PRDM2: variants seen among roughly 807,000 people sequenced by gnomAD.
PRDM2 encodes the protein PR/SET domain 2, also known as PR domain zinc finger protein 2.
PRDM2 carries 30 observed loss-of-function variants against 130.0 expected under a neutral mutation model. That is an observed-to-expected ratio of 0.23 (90% CI 0.17 to 0.31). The LOEUF (loss-of-function observed/expected upper bound fraction) is 0.31, where lower values mean the gene tolerates loss of function less well. Among genes scored for constraint, PRDM2 ranks in the 10% least tolerant of loss-of-function variants. The pLI is 1.00. For synonymous variants in PRDM2, 871 were observed against 782.4 expected, an observed-to-expected ratio of 1.11 and a Z score of -1.89; for missense variants, 2,011 against 2,108.4, an observed-to-expected ratio of 0.95 and a Z score of 0.90.
chr1:13,786,635 C>T, intron 8 of PRDM2: 1 of 1,565,704 alleles, frequency 6.4e-7, no homozygotes, highest in Non-Finnish European at 8.6e-7. Context: ...CTTGCAAGAC[C>T]AGTTGAAGCT....
chr1:13,799,570 C>G lies in PRDM2; in HGVS notation c.5036+16739C>G, dbSNP rs182400682. Among the ~76,000 whole-genome samples the G allele has an allele frequency of 2.1e-3, 326 of 152,216 alleles. 2 individuals are homozygous for G. The highest frequency in any genetic ancestry group is 7.5e-3 in the African/African-American group (310 of 41,534). On this transcript the variant is annotated intron_variant, in intron 8 of 9. Transcript: ENST00000311066. Reference sequence around the variant, plus strand: ...TGTGGATAAAACATACAGTTGAAACCCAGCTGACTTTAGTTTGAGCGACCC... The same window carrying G: ...TGTGGATAAAACATACAGTTGAAACGCAGCTGACTTTAGTTTGAGCGACCC...
At chr1:13,801,314 C>T (rs892590847) in intron 8 of PRDM2, among the ~76,000 whole-genome samples, 5 of 152,228 alleles carry the variant, frequency 3.3e-5, no homozygotes, top group Admixed American at 3.3e-4. Flanking sequence ...TTGCTTGGCT[C>T]AGCACTGTAA....
intron 8 of PRDM2, chr1:13,788,038 T>C (rs1644776693): frequency 2.0e-6 from 2 of 980,182 alleles, no homozygotes; most frequent in Admixed American, 6.2e-5. Flanking sequence ...ATTTAAACAA[T>C]GCATTTTATA....
chr1:13,768,074 G>GTTT lies in PRDM2; in HGVS notation c.512-4985_512-4983dup, dbSNP rs774757778. 1.3e-3 allele frequency among the ~76,000 whole-genome samples: 156 copies of GTTT among 117,738 alleles called. 3 individuals carry two copies. Among genetic ancestry groups the GTTT allele is most frequent in the East Asian group, 2.4e-3 (9 of 3,806 alleles). 77.2% of individuals were successfully genotyped at this position (117,738 alleles called of 152,430 possible). A position where few individuals can be genotyped will look rare whatever the true frequency, so the allele number is the denominator to read the frequency against. On this transcript the variant is annotated intron_variant, in intron 6 of 9. Coordinates refer to ENST00000311066, the MANE Select transcript of PRDM2 (RefSeq NM_001393986.1). ...AACATTTTTAACATTTTGTCCTTGA[G>GTTT]TTTTTTTTTTTTTTTTTTTTTGAGA...
At chr1:13,725,818 C>T (rs1642895588) in intron 2 of PRDM2, among the ~76,000 whole-genome samples, 1 of 152,216 alleles carries the variant, frequency 6.6e-6, no homozygotes, top group Admixed American at 6.5e-5. Context: ...AAAGGGAATT[C>T]TCAGGTGTCC....
intron 8 of PRDM2, chr1:13,786,725 G>T (rs763201924): frequency 6.9e-5 from 98 of 1,422,272 alleles, no homozygotes; most frequent in South Asian, 8.8e-5. Context: ...GGCCCAACGC[G>T]CATGCTGGGC....
intron 6 of PRDM2, among the ~76,000 whole-genome samples, chr1:13,752,119 G>C (rs937727780): frequency 1.3e-5 from 2 of 152,192 alleles, no homozygotes; most frequent in Admixed American, 1.3e-4. Context: ...TCAGTAAATA[G>C]CTGATCAGTG....
At chr1:13,777,471 G>T (rs1287175510) in intron 7 of PRDM2, among the ~76,000 whole-genome samples, 1 of 150,474 alleles carries the variant, frequency 6.6e-6, no homozygotes, top group Non-Finnish European at 1.5e-5. Context: ...TGTGTAAGTA[G>T]GCCCCTGTTT....
intron 9 of PRDM2, among the ~76,000 whole-genome samples, chr1:13,816,930 T>C (rs918211400): frequency 6.6e-6 from 1 of 152,232 alleles, no homozygotes; most frequent in Non-Finnish European, 1.5e-5. Context: ...GTCTGTCACA[T>C]AGTAAGCACT....
chr1:13,747,747 G>A (rs1368020766), intron 5 of PRDM2, among the ~76,000 whole-genome samples: 3 of 139,990 alleles, frequency 2.1e-5, no homozygotes, highest in Non-Finnish European at 4.5e-5. Flanking sequence ...TTTCTAAACC[G>A]TAGGTGGAAT....
At chr1:13,772,377 C>G (rs985436168) in intron 6 of PRDM2, among the ~76,000 whole-genome samples, 1 of 152,222 alleles carries the variant, frequency 6.6e-6, no homozygotes, top group African/African-American at 2.4e-5. Context: ...GCAATTTAAT[C>G]TTACCTTGTA....
intron 2 of PRDM2, among the ~76,000 whole-genome samples, chr1:13,723,064 C>T (rs1262055597): frequency 6.6e-6 from 1 of 152,182 alleles, no homozygotes; most frequent in Non-Finnish European, 1.5e-5. Context: ...CTTCCCGTCT[C>T]TATTCTGGTG....
At chr1:13,760,346 T>G (rs1028640071) in intron 6 of PRDM2, among the ~76,000 whole-genome samples, 1 of 152,094 alleles carries the variant, frequency 6.6e-6, no homozygotes. Flanking sequence ...AAAAAAAACC[T>G]GCCTAAAAAT....
At chr1:13,721,066 CA>C (rs1642712580) in intron 2 of PRDM2, among the ~76,000 whole-genome samples, 1 of 152,204 alleles carries the variant, frequency 6.6e-6, no homozygotes, top group Non-Finnish European at 1.5e-5. Flanking sequence ...TGTTCCTACA[CA>C]TTGGTTTTTC....
intron 2 of PRDM2, among the ~76,000 whole-genome samples, chr1:13,726,853 AC>A (rs748964463): frequency 1.1e-3 from 173 of 152,136 alleles, no homozygotes; most frequent in Non-Finnish European, 1.8e-3. Flanking sequence ...AGTGTTAAAA[AC>A]CCATGAGACA....
intron 6 of PRDM2, among the ~76,000 whole-genome samples, chr1:13,751,271 C>T (rs1569863216): frequency 6.6e-6 from 1 of 151,978 alleles, no homozygotes; most frequent in Non-Finnish European, 1.5e-5. Context: ...TCTTATTATC[C>T]TATTATTTTG....
intron 2 of PRDM2, among the ~76,000 whole-genome samples, chr1:13,723,856 C>T (rs1642816961): frequency 6.6e-6 from 1 of 152,212 alleles, no homozygotes; most frequent in Admixed American, 6.5e-5. Context: ...GTGACCACTG[C>T]TCTGAGCTGG....
At chr1:13,764,539 G>A (rs1391271855) in intron 6 of PRDM2, among the ~76,000 whole-genome samples, 1 of 152,200 alleles carries the variant, frequency 6.6e-6, no homozygotes, top group Non-Finnish European at 1.5e-5. Context: ...TTCTTAAGAT[G>A]TGGAATTATC....
chr1:13,756,826 T>C (rs1643967059), intron 6 of PRDM2, among the ~76,000 whole-genome samples: 2 of 152,200 alleles, frequency 1.3e-5, no homozygotes, highest in African/African-American at 4.8e-5. Flanking sequence ...TTGCTCTGTG[T>C]ATACCATAGC....
Sources: allele counts gnomAD v4.1 joint callset (sites outside exome capture counted in the v4.1 genomes callset), GRCh38; gene constraint gnomAD v4.1.1; transcripts MANE v1.5; gene names NCBI Gene and HGNC (gene_info 2026-07-23, HGNC 2026-07-21).